The following DRC8 variants were observed in gnomAD, a reference collection of about 807,000 sequenced individuals.
The protein encoded by DRC8 is dynein regulatory complex subunit 8.
chr1:245,040,898 T>C, the DRC8 span, among the ~76,000 whole-genome samples: 4 of 152,244 alleles, frequency 2.6e-5, no homozygotes, highest in African/African-American at 4.8e-5. Context: ...CAGGAACTTA[T>C]ATTTTAGAGG....
the DRC8 span, among the ~76,000 whole-genome samples, chr1:245,032,494 C>T: frequency 6.6e-6 from 1 of 152,220 alleles, no homozygotes; most frequent in Admixed American, 6.5e-5. Context: ...GTAACAGCTC[C>T]AGTTTCTACT....
At chr1:245,046,230 A>G in the DRC8 span, among the ~76,000 whole-genome samples, 76 of 151,906 alleles carry the variant, frequency 5.0e-4, no homozygotes, top group African/African-American at 1.7e-3. Context: ...TTTTATTTTC[A>G]TCATTAAGCT....
the DRC8 span, among the ~76,000 whole-genome samples, chr1:245,080,412 G>A: frequency 3.3e-5 from 5 of 152,168 alleles, no homozygotes; most frequent in African/African-American, 1.2e-4. Flanking sequence ...TAGTGGTGGT[G>A]TGACAAAGTT....
chr1:245,069,844 C>T, the DRC8 span, among the ~76,000 whole-genome samples: 1 of 152,144 alleles, frequency 6.6e-6, no homozygotes, highest in East Asian at 1.9e-4. Flanking sequence ...GAGTTCGGGA[C>T]CAGCCTGGGC....
chr1:244,970,042 G>A, the DRC8 span: 130 of 620,152 alleles, frequency 2.1e-4, no homozygotes, highest in African/African-American at 2.2e-3. Flanking sequence ...AGGGGGCGAG[G>A]GGTGTGTGCG....
At chr1:244,987,852 T>C in the DRC8 span, among the ~76,000 whole-genome samples, 1 of 152,160 alleles carries the variant, frequency 6.6e-6, no homozygotes, top group African/African-American at 2.4e-5. Flanking sequence ...TTTGAGTATC[T>C]AATTAGATAT....
the DRC8 span, among the ~76,000 whole-genome samples, chr1:245,035,006 A>G: frequency 1.3e-5 from 2 of 152,144 alleles, no homozygotes; most frequent in Non-Finnish European, 2.9e-5. Context: ...CATTTGTACA[A>G]CTCTATACAA....
the DRC8 span, among the ~76,000 whole-genome samples, chr1:245,026,340 A>G: frequency 5.9e-5 from 9 of 152,246 alleles, no homozygotes; most frequent in Non-Finnish European, 1.0e-4. Context: ...ATGGATTAGA[A>G]ATAACTTTTC....
At chr1:245,055,614 C>T in the DRC8 span, among the ~76,000 whole-genome samples, 9,207 of 152,210 alleles carry the variant, frequency 0.06, 296 homozygotes, top group East Asian at 0.12. Context: ...TGAGCCACCG[C>T]GCCTGGCCTG....
At chr1:244,992,064 C>T in the DRC8 span, among the ~76,000 whole-genome samples, 1 of 152,204 alleles carries the variant, frequency 6.6e-6, no homozygotes, top group Admixed American at 6.5e-5. Flanking sequence ...ACGCAGTTGA[C>T]AGACATCTTT....
the DRC8 span, among the ~76,000 whole-genome samples, chr1:245,099,829 C>CAG: frequency 1.3e-5 from 2 of 152,182 alleles, no homozygotes; most frequent in African/African-American, 4.8e-5. Context: ...CTACAATACA[C>CAG]GTTTTTGTAA....
the DRC8 span, among the ~76,000 whole-genome samples, chr1:245,033,845 C>T: frequency 3.9e-5 from 6 of 152,198 alleles, no homozygotes; most frequent in Non-Finnish European, 7.4e-5. Flanking sequence ...CCTCAGCCTC[C>T]CAAGTAGCTG....
the DRC8 span, among the ~76,000 whole-genome samples, chr1:244,975,860 AAAAT>A: frequency 1.9e-4 from 29 of 152,150 alleles, no homozygotes; most frequent in African/African-American, 5.8e-4. Context: ...ACTCTGTCTC[AAAAT>A]AAATAAATAA....
At chr1:245,091,167 GA>G in the DRC8 span, 14 of 152,500 alleles carry the variant, frequency 9.2e-5, no homozygotes, top group African/African-American at 2.9e-4. Flanking sequence ...AGGAGGAAAG[GA>G]GTGTGGTGAT....
chr1:245,053,142 T>C, the DRC8 span, among the ~76,000 whole-genome samples: 1 of 152,216 alleles, frequency 6.6e-6, no homozygotes, highest in Non-Finnish European at 1.5e-5. Context: ...AATCAGTTGT[T>C]GGAAACTGCG....
the DRC8 span, among the ~76,000 whole-genome samples, chr1:245,027,337 T>C: frequency 1.3e-5 from 2 of 151,682 alleles, no homozygotes; most frequent in East Asian, 3.9e-4. Flanking sequence ...GGGAAATTAA[T>C]GAGAAAGGAA....
chr1:245,115,081 C>T, the DRC8 span, among the ~76,000 whole-genome samples: 6 of 152,052 alleles, frequency 3.9e-5, no homozygotes, highest in South Asian at 1.0e-3. Flanking sequence ...GACAGGGTCT[C>T]GCTCTGTCAT....
chr1:245,014,921 A>G, the DRC8 span, among the ~76,000 whole-genome samples: 4 of 152,248 alleles, frequency 2.6e-5, no homozygotes, highest in African/African-American at 9.6e-5. Context: ...AAGAATATGT[A>G]TGAAGAAAGA....
chr1:245,049,590 A>G, the DRC8 span, among the ~76,000 whole-genome samples: 2 of 152,242 alleles, frequency 1.3e-5, no homozygotes, highest in East Asian at 3.8e-4. This position sits in a 1 kb window ranked among gnomAD's most constrained non-coding sequence, Gnocchi z 4.5. Flanking sequence ...GACTAAAAAA[A>G]AACTGTAATA....
Sources: allele counts gnomAD v4.1 joint callset (sites outside exome capture counted in the v4.1 genomes callset), GRCh38; gene constraint gnomAD v4.1.1; non-coding constraint Gnocchi (gnomAD v3.1); transcripts MANE v1.5; gene names NCBI Gene and HGNC (gene_info 2026-07-23, HGNC 2026-07-21).